ACAD10: variants seen among roughly 807,000 people sequenced by gnomAD.
ACAD10 encodes acyl-CoA dehydrogenase family member 10, also known as ACAD-10.
Under a neutral mutation model 116.8 loss-of-function variants are expected in ACAD10, and 112 were observed. The ratio of observed to expected loss-of-function variants is 0.96; its 90% CI spans 0.82 to 1.12. The LOEUF (loss-of-function observed/expected upper bound fraction) is 1.12. ACAD10 is among the 50% of genes most tolerant of loss of function. The pLI is 0.00. For missense variants in ACAD10, 1,259 were observed against 1,350.2 expected, an observed-to-expected ratio of 0.93 and a Z score of 1.06; for synonymous variants, 486 against 510.6, an observed-to-expected ratio of 0.95 and a Z score of 0.65.
At chr12:111,745,198 C>T in intron 13 of ACAD10, 155 bp downstream of exon 13, 1 of 847,212 alleles carries the variant, frequency 1.2e-6, no homozygotes. Flanking sequence ...GCCAGCTCTT[C>T]ATGACTCAGT....
intron 3 of ACAD10, among the ~76,000 whole-genome samples, chr12:111,704,929 T>A (rs144304782): frequency 1.3e-5 from 2 of 151,448 alleles, no homozygotes; most frequent in African/African-American, 4.9e-5. Context: ...CCTCGTGATC[T>A]GCCTGCCTCA....
Position 111,733,917 on chromosome 12 carries a change from T to G in ACAD10, c.1395-6T>G. On this transcript the variant is annotated splice_region_variant and splice_polypyrimidine_tract_variant and intron_variant, in intron 10 of 20. Coordinates refer to ENST00000313698, the MANE Select transcript of ACAD10 (RefSeq NM_025247.6). ...TGCTGTCTCTATTCCTCCTGCGACT[T>G]TTCAGGCTCGACAACCTGGTGTTTC... 1.2e-6 allele frequency: 2 copies of G among 1,614,144 alleles called. No individual in the cohort carries two copies. The highest frequency in any genetic ancestry group is 1.7e-6 in the Non-Finnish European group (2 of 1,180,024).
In ACAD10 at chr12:111,729,911, A is replaced by G. The variant is rs151106801; in HGVS notation, c.1349A>G (p.His450Arg). 6.8e-6 allele frequency: 11 copies of G among 1,613,924 alleles called. No individual in the cohort carries two copies. Among genetic ancestry groups the G allele is most frequent in the African/African-American group, 6.7e-5 (5 of 74,890 alleles). The change falls in exon 10 of 21, where the codon CAT (histidine) becomes CGT (arginine). Residue 450 changes from histidine to arginine, a missense_variant. By Grantham distance (29) the His-to-Arg change is conservative. Transcript: ENST00000313698. ...MERLIEWLPL[H>R]LPRQQRTTVV... ...AGGCTGATCGAATGGCTGCCCCTCC[A>G]TCTTCCCCGTCAGCAGAGGACCACA...
chr12:111,717,954 C>CATA (rs1255440132), intron 7 of ACAD10, among the ~76,000 whole-genome samples: 1 of 147,842 alleles, frequency 6.8e-6, no homozygotes, highest in Non-Finnish European at 1.5e-5. Context: ...GGAGTCTGTT[C>CATA]ATATCACCTA....
At chr12:111,745,368 C>T (rs1261161642) in intron 13 of ACAD10, 2 of 398,436 alleles carry the variant, frequency 5.0e-6, no homozygotes, top group Non-Finnish European at 8.9e-6. Context: ...GCTGTATCAG[C>T]TAATAAATCT....
intron 10 of ACAD10, 81 bp from the exon 11 acceptor site, chr12:111,733,842 A>C (rs1889471410): frequency 1.3e-6 from 2 of 1,578,724 alleles, no homozygotes; most frequent in Non-Finnish European, 1.7e-6. Flanking sequence ...AGCCAAGCCT[A>C]AAGGGCAAAC....
intron 14 of ACAD10, among the ~76,000 whole-genome samples, chr12:111,746,622 A>G (rs1322009263): frequency 1.3e-5 from 2 of 152,086 alleles, no homozygotes; most frequent in Non-Finnish European, 2.9e-5. Context: ...TCCTGACCTC[A>G]GGTGATCCAC....
rs777516851 is a variant in ACAD10, at chr12:111,728,089, A to C, written c.1189A>C (p.Lys397Gln). 5.0e-6 allele frequency: 8 copies of C among 1,613,406 alleles called. No individual in the cohort carries two copies. Among genetic ancestry groups the C allele is most frequent in the Non-Finnish European group, 6.8e-6 (8 of 1,179,788 alleles). ...CACTGCCATGAACACAGTCCTGTGC[A>C]AAATTCACAGTGTGGATCTGCAGGC... is the stretch of plus-strand genomic sequence containing the variant. ...IYTAMNTVLCKIHSVDLQAVG... is the reference protein window; with the variant it reads ...IYTAMNTVLCQIHSVDLQAVG... The change falls in exon 9 of 21, where the codon AAA becomes CAA. Residue 397 changes from lysine (K) to glutamine (Q), a missense_variant. Lys to Gln is a moderately conservative substitution (Grantham distance 53). Transcript: ENST00000313698.
In ACAD10 at chr12:111,709,615, G is replaced by GT. The variant is rs1888611745; in HGVS notation, c.622dup (p.Ser208PhefsTer5). On this transcript the variant is annotated frameshift_variant, in exon 5 of 21. Coordinates refer to ENST00000313698, the MANE Select transcript of ACAD10 (RefSeq NM_025247.6). LOFTEE classifies it high-confidence loss of function. The stretch of plus-strand genomic sequence containing the variant: ...AGCAGCTCGGCCTGCAGCCCTCTGA[G>GT]TCCATCTTTCTTGATGACCTTGGAA... 1 of 1,613,940 alleles carries GT rather than the reference G, an allele frequency of 6.2e-7. No individual in the cohort carries two copies. The highest frequency in any genetic ancestry group is 8.5e-7 in the Non-Finnish European group (1 of 1,180,012).
At chr12:111,733,467 G>A (rs1057493586) in intron 10 of ACAD10, among the ~76,000 whole-genome samples, 4 of 151,994 alleles carry the variant, frequency 2.6e-5, no homozygotes, top group African/African-American at 7.2e-5. Flanking sequence ...GCTGTATCAC[G>A]TTTTCTGACC....
At chr12:111,704,658 TAAGA>T (rs1566144855) in intron 3 of ACAD10, among the ~76,000 whole-genome samples, 1 of 151,620 alleles carries the variant, frequency 6.6e-6, no homozygotes, top group Non-Finnish European at 1.5e-5. Flanking sequence ...TGTGATAATA[TAAGA>T]GTTTTCTTTC....
intron 18 of ACAD10, chr12:111,752,963 G>A (rs1890113713): frequency 6.3e-6 from 1 of 158,196 alleles, no homozygotes; most frequent in Non-Finnish European, 1.4e-5. Context: ...GGGCAATGTA[G>A]TGAGACCCTG....
At chr12:111,733,236 T>A (rs1297111489) in intron 10 of ACAD10, among the ~76,000 whole-genome samples, 1 of 152,198 alleles carries the variant, frequency 6.6e-6, no homozygotes, top group Non-Finnish European at 1.5e-5. Flanking sequence ...TAGCTGGGAC[T>A]ACAGGCGTGC....
At chr12:111,756,074 C>T (rs889969723) in intron 20 of ACAD10, 1 of 1,287,452 alleles carries the variant, frequency 7.8e-7, no homozygotes, top group Admixed American at 2.9e-5. Flanking sequence ...AGGGGGGCCG[C>T]CTCCTTAGAT....
In ACAD10 at chr12:111,749,158, G is replaced by A. The variant is rs765513812; in HGVS notation, c.2645-15G>A. The A allele has an allele frequency of 1.9e-5, 31 of 1,612,598 alleles. 1 individual carries two copies. Among genetic ancestry groups the A allele is most frequent in the African/African-American group, 8.0e-5 (6 of 74,902 alleles). On this transcript the variant is annotated splice_polypyrimidine_tract_variant and intron_variant, in intron 17 of 20. Transcript: ENST00000313698. The stretch of plus-strand genomic sequence containing the variant: ...ACTATGGCTATTGCTCACAGTGATC[G>A]TTTGGGTCTTTCAGGTGGCCATGGT...
chr12:111,704,697 T>C (rs1238314333), intron 3 of ACAD10, among the ~76,000 whole-genome samples: 2 of 148,548 alleles, frequency 1.3e-5, no homozygotes, highest in Non-Finnish European at 3.0e-5. Flanking sequence ...TCTTTTTTTT[T>C]TTTTTTTTGA....
intron 8 of ACAD10, among the ~76,000 whole-genome samples, chr12:111,725,521 TTC>T: frequency 6.6e-6 from 1 of 151,802 alleles, no homozygotes; most frequent in Non-Finnish European, 1.5e-5. Context: ...CTTTTTTTTT[TTC>T]CTTTCTTTTC....
At chr12:111,729,323 C>T (rs145936434) in intron 9 of ACAD10, among the ~76,000 whole-genome samples, 5,212 of 152,180 alleles carry the variant, frequency 0.034, 307 homozygotes, top group African/African-American at 0.12. Context: ...CTTCAACCTC[C>T]GCCTCCTGGG....
intron 2 of ACAD10, 108 bp from the exon 3 acceptor site, chr12:111,702,054 C>A: frequency 1.7e-6 from 2 of 1,209,522 alleles, no homozygotes; most frequent in Non-Finnish European, 1.2e-6. Flanking sequence ...CAGCATCCAC[C>A]CTGGCAGTAC....
Sources: gnomAD v4.1 joint callset for allele counts (sites outside exome capture counted in the v4.1 genomes callset) on GRCh38, gnomAD v4.1.1 for gene constraint, MANE v1.5 for transcripts, NCBI Gene and HGNC (gene_info 2026-07-23, HGNC 2026-07-21) for gene names.